ANK3: variants seen among roughly 807,000 people sequenced by gnomAD.
ANK3 encodes the protein ankyrin-3.
In ANK3, 57 loss-of-function variants were observed where a neutral mutation model predicts 370.9. The observed-to-expected ratio is 0.15, with a 90% confidence interval of 0.12 to 0.19. The LOEUF (loss-of-function observed/expected upper bound fraction) is 0.19. Among genes scored for constraint, ANK3 ranks in the 10% least tolerant of loss-of-function variants. The pLI is 1.00. For missense variants in ANK3, 4,439 were observed against 5,302.1 expected (o/e 0.84, Z 5.06); for synonymous variants, 1,929 against 1,946.3 (o/e 0.99, Z 0.23).
chr10:60,512,270 C>G (rs1243051303), intron 2 of ANK3, among the ~76,000 whole-genome samples: 1 of 152,092 alleles, frequency 6.6e-6, no homozygotes, highest in Non-Finnish European at 1.5e-5. Flanking sequence ...TTAGTGCAGT[C>G]ACTAAAAACC....
chr10:60,240,165 CA>C (rs2097420134), intron 7 of ANK3, among the ~76,000 whole-genome samples: 1 of 130,098 alleles, frequency 7.7e-6, no homozygotes, highest in African/African-American at 3.3e-5. Context: ...CATATATACA[CA>C]TATATATACA....
intron 1 of ANK3, among the ~76,000 whole-genome samples, chr10:60,280,318 C>A (rs1397458432): frequency 6.6e-6 from 1 of 152,130 alleles, no homozygotes; most frequent in Admixed American, 6.5e-5. Flanking sequence ...CTTGGCCTCC[C>A]AAAGTGTTGG....
intron 1 of ANK3, among the ~76,000 whole-genome samples, chr10:60,628,718 T>C (rs1229573347): frequency 6.6e-6 from 1 of 152,220 alleles, no homozygotes; most frequent in Non-Finnish European, 1.5e-5. Context: ...ACATTAAAAT[T>C]GTAAAACTTG....
intron 1 of ANK3, among the ~76,000 whole-genome samples, chr10:60,330,578 G>A (rs1026603848): frequency 2.6e-5 from 4 of 151,934 alleles, no homozygotes; most frequent in Non-Finnish European, 4.4e-5. Flanking sequence ...GAGCTCTCAC[G>A]CCAGTTAGAA....
chr10:60,731,483 A>C (rs763967678), intron 1 of ANK3, among the ~76,000 whole-genome samples: 1 of 152,200 alleles, frequency 6.6e-6, no homozygotes, highest in Non-Finnish European at 1.5e-5. Context: ...CATAAATAAC[A>C]ATCTAACTAC....
intron 1 of ANK3, among the ~76,000 whole-genome samples, chr10:60,342,323 AG>A (rs2054457971): frequency 6.6e-6 from 1 of 152,186 alleles, no homozygotes; most frequent in African/African-American, 2.4e-5. Flanking sequence ...AACGCACTTC[AG>A]GGGTTTTCTT....
intron 2 of ANK3, among the ~76,000 whole-genome samples, chr10:60,606,728 A>T (rs1331635858): frequency 6.6e-6 from 1 of 152,142 alleles, no homozygotes; most frequent in African/African-American, 2.4e-5. Flanking sequence ...CTGAGAAGAA[A>T]CACATTCCCT....
intron 1 of ANK3, among the ~76,000 whole-genome samples, chr10:60,365,909 A>G (rs1463226026): frequency 6.6e-6 from 1 of 152,212 alleles, no homozygotes; most frequent in African/African-American, 2.4e-5. Flanking sequence ...GAGTGGTAAC[A>G]GTAATAATAA....
chr10:60,431,605 C>T (rs1315656162), intron 2 of ANK3, among the ~76,000 whole-genome samples: 10 of 151,900 alleles, frequency 6.6e-5, no homozygotes, highest in Admixed American at 1.3e-4. Flanking sequence ...AATGAGAACA[C>T]GAGGACACAG....
intron 42 of ANK3, chr10:60,053,582 G>GCAC (rs1196235664): frequency 2.0e-6 from 2 of 988,426 alleles, no homozygotes; most frequent in Non-Finnish European, 2.7e-6. Context: ...CTAGGAATTG[G>GCAC]TAAAGGGGAA....
chr10:60,613,885 C>T (rs913848281), intron 2 of ANK3, among the ~76,000 whole-genome samples: 4 of 152,178 alleles, frequency 2.6e-5, no homozygotes, highest in Non-Finnish European at 5.9e-5. Flanking sequence ...ACCAGCCTGG[C>T]CAACCTGGCG....
At chr10:60,221,073 G>T (rs1591955560) in intron 8 of ANK3, among the ~76,000 whole-genome samples, 1 of 136,576 alleles carries the variant, frequency 7.3e-6, no homozygotes, top group African/African-American at 2.7e-5. Flanking sequence ...CATATTTTTT[G>T]TTGATTTTGC....
chr10:60,044,390 G>A (rs1459786701), intron 42 of ANK3: 49 of 927,880 alleles, frequency 5.3e-5, no homozygotes, highest in Non-Finnish European at 6.3e-5. Flanking sequence ...ACTAGATGGA[G>A]AAATCTCCAC....
chr10:60,390,593 G>A (rs1189577063), upstream of ANK3, among the ~76,000 whole-genome samples: 1 of 152,006 alleles, frequency 6.6e-6, no homozygotes, highest in African/African-American at 2.4e-5. Context: ...CTGCTAGGAT[G>A]CACACACCGG....
At chr10:60,248,215 T>C (rs995836554) in intron 7 of ANK3, among the ~76,000 whole-genome samples, 2 of 152,202 alleles carry the variant, frequency 1.3e-5, no homozygotes, top group African/African-American at 4.8e-5. Flanking sequence ...TGCTGGATCA[T>C]ACGTTAACTG....
intron 13 of ANK3, among the ~76,000 whole-genome samples, chr10:60,198,989 G>T (rs965689818): frequency 3.3e-5 from 5 of 152,214 alleles, no homozygotes; most frequent in African/African-American, 1.2e-4. Context: ...GAGGAAGGCA[G>T]TGTGGGGTTG....
intron 2 of ANK3, among the ~76,000 whole-genome samples, chr10:60,563,683 T>A (rs2077392865): frequency 6.6e-6 from 1 of 152,198 alleles, no homozygotes; most frequent in East Asian, 1.9e-4. Flanking sequence ...AAGGAAAAAA[T>A]TTCAGTTTTT....
chr10:60,034,090 T>G (rs1217399365), intron 43 of ANK3, among the ~76,000 whole-genome samples: 6 of 149,816 alleles, frequency 4.0e-5, no homozygotes, highest in Non-Finnish European at 8.9e-5. Flanking sequence ...TGTTTTTTTT[T>G]TTGTTTTGTT....
At chr10:60,624,819 G>A (rs895149206) in intron 1 of ANK3, among the ~76,000 whole-genome samples, 1 of 151,840 alleles carries the variant, frequency 6.6e-6, no homozygotes, top group Non-Finnish European at 1.5e-5. Context: ...ATAGATACAG[G>A]AAACTTAAAG....
Sources: gnomAD v4.1 joint callset for allele counts (sites outside exome capture counted in the v4.1 genomes callset) on GRCh38, gnomAD v4.1.1 for gene constraint, MANE v1.5 for transcripts, NCBI Gene and HGNC (gene_info 2026-07-23, HGNC 2026-07-21) for gene names.